Variants in SPAST observed in about 807,000 individuals in gnomAD.
SPAST encodes the protein spastin, also known as spastic paraplegia 4 (autosomal dominant; spastin).
In SPAST, 30 loss-of-function variants were observed where a neutral mutation model predicts 76.6. The observed-to-expected ratio is 0.39, with a 90% CI of 0.29 to 0.53. The LOEUF is 0.53. Ranked by LOEUF, SPAST falls within the 20% of genes least tolerant of loss-of-function variation. The pLI is 0.68. For synonymous variants in SPAST, 305 were observed against 281.0 expected (o/e 1.09, Z -0.86); for missense variants, 717 against 770.5 (o/e 0.93, Z 0.82).
At chr2:32,107,240 C>CTTTTTTT (rs913336727) in intron 4 of SPAST, among the ~76,000 whole-genome samples, 9 of 149,020 alleles carry the variant, frequency 6.0e-5, no homozygotes, top group African/African-American at 2.0e-4. Flanking sequence ...AAATTCGACT[C>CTTTTTTT]TTTTTTTTTT....
At chr2:32,148,824 AAT>A (rs1553320185) in intron 16 of SPAST, among the ~76,000 whole-genome samples, 7 of 150,478 alleles carry the variant, frequency 4.7e-5, no homozygotes, top group African/African-American at 1.5e-4. Flanking sequence ...AAAAAAAAAA[AAT>A]AGCTGGGCAT....
In SPAST at chr2:32,156,089, A is replaced by C. The variant is rs921406385; in HGVS notation, c.*1593A>C. ...GTTTCGCTCTTGTTGCCCAGGCTGG[A>C]GTGCAATGGCGCAATCTCGACTCAC... On this transcript the variant is annotated 3_prime_UTR_variant, in exon 17 of 17. Coordinates refer to ENST00000315285, the MANE Select transcript of SPAST (RefSeq NM_014946.4). The C allele has an allele frequency of 6.8e-6, 1 of 147,654 alleles. No individual in the cohort carries two copies. Among genetic ancestry groups the C allele is most frequent in the African/African-American group, 2.5e-5 (1 of 39,680 alleles). 9.1% of individuals were successfully genotyped at this position (147,654 alleles called of 1,614,324 possible). A position where few individuals can be genotyped will look rare whatever the true frequency, so the allele number is the denominator to read the frequency against.
intron 16 of SPAST, 87 bp downstream of exon 16, chr2:32,147,345 G>GTTTT (rs71407417): frequency 0.018 from 2,973 of 162,404 alleles, 55 homozygotes; most frequent in South Asian, 0.035. Flanking sequence ...TGTGTGTGTG[G>GTTTT]TTTTTTTTTT....
In SPAST at chr2:32,127,004, G is replaced by C; in HGVS notation, c.1155G>C (p.Gly385=). ...GGCTGTTACTCTTTGGTCCACCTGG[G>C]AATGGGAAGACAATGCTGGTAAGGG... is the stretch of plus-strand genomic sequence containing the variant. ...ARGLLLFGPP[G]NGKTMLAKAV... Residue 385 remains glycine (G), a synonymous_variant, in exon 8 of 17, where the codon GGG becomes GGC. Transcript: ENST00000315285. 6.2e-7 allele frequency: 1 copy of C among 1,612,042 alleles called. No homozygotes were observed. The highest frequency in any genetic ancestry group is 2.2e-5 in the East Asian group (1 of 44,874).
chr2:32,077,797 G>A (rs1226745322), intron 1 of SPAST: 2 of 152,160 alleles, frequency 1.3e-5, no homozygotes, highest in Non-Finnish European at 2.9e-5. Flanking sequence ...TCTATTTAAA[G>A]ATGAATATCA....
At chr2:32,143,295 T>G in intron 13 of SPAST, 41 bp from the exon 14 acceptor site, 1 of 1,192,692 alleles carries the variant, frequency 8.4e-7, no homozygotes, top group Non-Finnish European at 1.2e-6. Flanking sequence ...AATCATTAAT[T>G]CTGAAATTAG....
intron 1 of SPAST, among the ~76,000 whole-genome samples, chr2:32,076,054 C>T (rs1676952696): frequency 6.6e-6 from 1 of 151,668 alleles, no homozygotes; most frequent in Non-Finnish European, 1.5e-5. Flanking sequence ...GTACGCGCCA[C>T]CACGCCTGGC....
intron 5 of SPAST, 45 bp downstream of exon 5, chr2:32,114,870 A>G: frequency 6.9e-7 from 1 of 1,454,102 alleles, no homozygotes; most frequent in Non-Finnish European, 9.7e-7. Context: ...TTGCAAATAG[A>G]AAAATTTTTA....
chr2:32,102,215 G>T (rs1678152782), intron 4 of SPAST, among the ~76,000 whole-genome samples: 1 of 148,546 alleles, frequency 6.7e-6, no homozygotes, highest in Non-Finnish European at 1.5e-5. Flanking sequence ...GGATTCCTAG[G>T]TATTTTATTC....
chr2:32,073,280 G>A (rs1676824038), intron 1 of SPAST, among the ~76,000 whole-genome samples: 1 of 152,160 alleles, frequency 6.6e-6, no homozygotes, highest in Non-Finnish European at 1.5e-5. Context: ...TGATCTGCCT[G>A]TGTTGGCCCC....
chr2:32,125,985 CG>C (rs1284784407), intron 7 of SPAST, among the ~76,000 whole-genome samples: 1 of 151,990 alleles, frequency 6.6e-6, no homozygotes. Context: ...TTAGTAGAGA[CG>C]GGGTTTCATC....
chr2:32,112,654 A>AT (rs1316254666), intron 4 of SPAST, among the ~76,000 whole-genome samples: 1 of 149,232 alleles, frequency 6.7e-6, no homozygotes, highest in Non-Finnish European at 1.5e-5. Flanking sequence ...CCTAATGTGG[A>AT]TTTTGTTTTT....
chr2:32,121,710 ATTG>A (rs964105562), intron 7 of SPAST, among the ~76,000 whole-genome samples: 33 of 151,350 alleles, frequency 2.2e-4, no homozygotes, highest in African/African-American at 7.5e-4. Flanking sequence ...TGCCCGGCTA[ATTG>A]TTGTATTTTT....
intron 1 of SPAST, among the ~76,000 whole-genome samples, chr2:32,082,947 A>ATTG (rs891675406): frequency 5.9e-5 from 9 of 151,550 alleles, no homozygotes; most frequent in East Asian, 1.9e-4. Context: ...TGTTTTTGTT[A>ATTG]TTGTTGTTGT....
chr2:32,069,097 C>T (rs753485994), intron 1 of SPAST, among the ~76,000 whole-genome samples: 1 of 151,716 alleles, frequency 6.6e-6, no homozygotes, highest in African/African-American at 2.4e-5. Context: ...CCTGTAGTCC[C>T]GGGTACTTGG....
chr2:32,107,524 A>T (rs1256771555), intron 4 of SPAST, among the ~76,000 whole-genome samples: 1 of 152,156 alleles, frequency 6.6e-6, no homozygotes, highest in Non-Finnish European at 1.5e-5. Context: ...AAGTGTTGGG[A>T]TTACAGTCAT....
intron 4 of SPAST, among the ~76,000 whole-genome samples, 180 bp downstream of exon 4, chr2:32,099,071 G>T (rs907885840): frequency 6.6e-6 from 1 of 152,062 alleles, no homozygotes; most frequent in East Asian, 1.9e-4. Context: ...AACAAGTCAG[G>T]TATAGTCATT....
chr2:32,146,875 AAAAAAGT>A (rs1331284271), intron 15 of SPAST, among the ~76,000 whole-genome samples: 1 of 150,694 alleles, frequency 6.6e-6, no homozygotes, highest in Non-Finnish European at 1.5e-5. Flanking sequence ...AAAAAAAAAA[AAAAAAGT>A]AAATACATAA....
chr2:32,148,181 C>T (rs1573176331), intron 16 of SPAST, among the ~76,000 whole-genome samples: 1 of 152,042 alleles, frequency 6.6e-6, no homozygotes, highest in Non-Finnish European at 1.5e-5. Context: ...AATCCTCCTG[C>T]CTCAGTCTCT....
Sources: gnomAD v4.1 joint callset for allele counts (sites outside exome capture counted in the v4.1 genomes callset) on GRCh38, gnomAD v4.1.1 for gene constraint, MANE v1.5 for transcripts, NCBI Gene and HGNC (gene_info 2026-07-23, HGNC 2026-07-21) for gene names.